Variants in PDE10A observed in about 807,000 individuals in gnomAD.
PDE10A encodes the protein cAMP and cAMP-inhibited cGMP 3',5'-cyclic phosphodiesterase 10A.
Under a neutral mutation model 97.7 loss-of-function variants are expected in PDE10A, and 39 were observed. The ratio of observed to expected loss-of-function variants is 0.40; its 90% CI spans 0.31 to 0.52. PDE10A has a LOEUF of 0.52. Ranked by LOEUF, PDE10A falls within the 20% of genes least tolerant of loss-of-function variation. The pLI is 0.56. For missense variants in PDE10A, 731 were observed against 1,047.8 expected (o/e 0.70, Z 4.17); for synonymous variants, 371 against 376.8 (o/e 0.98, Z 0.18).
chr6:165,869,421 A>C (rs898640606), intron 1 of PDE10A, among the ~76,000 whole-genome samples: 1 of 152,154 alleles, frequency 6.6e-6, no homozygotes, highest in Non-Finnish European at 1.5e-5. Flanking sequence ...TAAAAACTAC[A>C]AAACACTGAT....
chr6:165,918,528 G>A (rs1440151840), intron 1 of PDE10A, among the ~76,000 whole-genome samples: 1 of 152,178 alleles, frequency 6.6e-6, no homozygotes, highest in Non-Finnish European at 1.5e-5. Context: ...GTTCAACTGA[G>A]ATTTACAACT....
chr6:165,619,429 A>G lies in PDE10A; in HGVS notation c.865+42518T>C, dbSNP rs62647936. On this transcript the variant is annotated intron_variant, in intron 1 of 21. Coordinates refer to ENST00000539869, the MANE Select transcript of PDE10A (RefSeq NM_001385079.1). The stretch of plus-strand genomic sequence containing the variant: ...GTAGTCTAGTGTAGTGTAGTGTAGT[A>G]TAGTGTAGTGTAGTATAGTCTAGTG... 3.5e-3 allele frequency among the ~76,000 whole-genome samples: 66 copies of G among 18,794 alleles called. 1 individual carries two copies. Among genetic ancestry groups the G allele is most frequent in the African/African-American group, 6.1e-3 (16 of 2,626 alleles). The allele number at this position is 18,794 out of a possible 152,430, so 12.3% of individuals were successfully genotyped here. A position where few individuals can be genotyped will look rare whatever the true frequency, so the allele number is the denominator to read the frequency against.
At chr6:165,450,727 AT>A (rs1391804194) in intron 3 of PDE10A, among the ~76,000 whole-genome samples, 28 of 151,814 alleles carry the variant, frequency 1.8e-4, no homozygotes, top group African/African-American at 6.5e-4. Context: ...TGCCTGGCTA[AT>A]TTTTGTATTT....
intron 1 of PDE10A, among the ~76,000 whole-genome samples, chr6:165,883,001 G>A (rs760881405): frequency 2.0e-5 from 3 of 151,600 alleles, no homozygotes; most frequent in Non-Finnish European, 2.9e-5. Context: ...TTTGGGAGGC[G>A]GAGGCGGGCA....
At chr6:165,672,136 C>T (rs563071789) in intron 1 of PDE10A, among the ~76,000 whole-genome samples, 1 of 152,268 alleles carries the variant, frequency 6.6e-6, no homozygotes, top group Admixed American at 6.5e-5. Context: ...ATTTCATTGA[C>T]AGTAAAGATT....
chr6:165,715,852 A>G (rs1226236106), intron 1 of PDE10A, among the ~76,000 whole-genome samples: 1 of 152,190 alleles, frequency 6.6e-6, no homozygotes, highest in Non-Finnish European at 1.5e-5. Context: ...CTCCTGTGGC[A>G]TCACGAATGT....
At chr6:165,818,170 C>T (rs962035408) in intron 1 of PDE10A, among the ~76,000 whole-genome samples, 21 of 152,168 alleles carry the variant, frequency 1.4e-4, no homozygotes, top group Admixed American at 1.2e-3. Context: ...TTCATCTGCT[C>T]GCTCACTGTC....
chr6:165,545,683 A>G (rs551200536), intron 1 of PDE10A, among the ~76,000 whole-genome samples: 2 of 152,244 alleles, frequency 1.3e-5, no homozygotes, highest in African/African-American at 4.8e-5. Flanking sequence ...TTTGTTAATC[A>G]TGAATTGAAG....
At chr6:165,724,312 C>T (rs1265504238) in intron 1 of PDE10A, among the ~76,000 whole-genome samples, 2 of 146,244 alleles carry the variant, frequency 1.4e-5, no homozygotes, top group Admixed American at 6.8e-5. Context: ...ATGCTTCCTG[C>T]TCTCTTTAGG....
chr6:165,506,117 T>C (rs937259468), intron 2 of PDE10A, among the ~76,000 whole-genome samples: 3 of 152,114 alleles, frequency 2.0e-5, no homozygotes, highest in Non-Finnish European at 2.9e-5. Flanking sequence ...ACTATATAAG[T>C]ACTTTTGTTG....
At chr6:165,496,824 A>T (rs1780564672) in intron 2 of PDE10A, among the ~76,000 whole-genome samples, 1 of 152,248 alleles carries the variant, frequency 6.6e-6, no homozygotes, top group South Asian at 2.1e-4. Context: ...CAGAGGTTTA[A>T]AATCTCTTTG....
intron 9 of PDE10A, among the ~76,000 whole-genome samples, chr6:165,429,543 C>T (rs1169787202): frequency 6.6e-6 from 1 of 152,044 alleles, no homozygotes; most frequent in Non-Finnish European, 1.5e-5. Flanking sequence ...CTGTTAGGTG[C>T]ATATACAGTG....
intron 1 of PDE10A, among the ~76,000 whole-genome samples, chr6:165,637,466 G>A (rs960781581): frequency 1.3e-5 from 2 of 152,084 alleles, no homozygotes; most frequent in Non-Finnish European, 2.9e-5. Context: ...TATGGCGGAC[G>A]GGTAACACAC....
intron 1 of PDE10A, among the ~76,000 whole-genome samples, chr6:165,860,649 A>G (rs1254700802): frequency 2.0e-5 from 3 of 152,232 alleles, no homozygotes; most frequent in African/African-American, 4.8e-5. Context: ...AAGCAATGAC[A>G]GTGTTGATTT....
chr6:165,832,043 T>G (rs967164989), intron 1 of PDE10A, among the ~76,000 whole-genome samples: 1 of 152,216 alleles, frequency 6.6e-6, no homozygotes, highest in Non-Finnish European at 1.5e-5. Context: ...ATCAAAGGAC[T>G]GTTACAATGA....
chr6:165,672,919 G>A (rs528890145), intron 1 of PDE10A, among the ~76,000 whole-genome samples: 1 of 152,284 alleles, frequency 6.6e-6, no homozygotes, highest in East Asian at 1.9e-4. Flanking sequence ...CATAAGTTGG[G>A]AACCATTTGT....
chr6:165,729,241 T>C (rs1279105033), intron 1 of PDE10A, among the ~76,000 whole-genome samples: 1 of 152,110 alleles, frequency 6.6e-6, no homozygotes, highest in East Asian at 1.9e-4. Flanking sequence ...TTGATTGTTT[T>C]CAGTGAAACC....
At position 165,329,199 on chromosome 6, in the gene PDE10A, A is replaced by T. The variant is rs746291976; in HGVS notation, c.*3826T>A. On this transcript the variant is annotated 3_prime_UTR_variant, in exon 22 of 22. Coordinates refer to ENST00000539869, the MANE Select transcript of PDE10A (RefSeq NM_001385079.1). ...GGTACCTGAAACCCCCCAAAATCAC[A>T]TCATAACCAGTGTCACAGTTCTCTG... 15 of 152,238 alleles carry T rather than the reference A, an allele frequency of 9.9e-5. No homozygotes were observed. Among genetic ancestry groups the T allele is most frequent in the Non-Finnish European group, 1.8e-4 (12 of 68,038 alleles). 9.4% of individuals were successfully genotyped at this position (152,238 alleles called of 1,614,324 possible). A position where few individuals can be genotyped will look rare whatever the true frequency, so the allele number is the denominator to read the frequency against.
At chr6:165,344,310 ATAAT>A (rs1782166015) in intron 18 of PDE10A, among the ~76,000 whole-genome samples, 1 of 152,238 alleles carries the variant, frequency 6.6e-6, no homozygotes, top group African/African-American at 2.4e-5. Context: ...ACTTAACAGA[ATAAT>A]TAAGTGGTAG....
Sources: allele counts gnomAD v4.1 joint callset (sites outside exome capture counted in the v4.1 genomes callset), GRCh38; gene constraint gnomAD v4.1.1; transcripts MANE v1.5; gene names NCBI Gene and HGNC (gene_info 2026-07-23, HGNC 2026-07-21).